The following MRPS28 variants were observed in gnomAD, a reference collection of about 807,000 sequenced individuals.
MRPS28 encodes the protein small ribosomal subunit protein bS1m.
A neutral mutation model predicts 10.8 loss-of-function variants in MRPS28; 7 were observed. The ratio of observed to expected loss-of-function variants is 0.65; its 90% CI spans 0.37 to 1.22. The LOEUF is 1.22. Ranked by LOEUF, MRPS28 falls within the 50% of genes most tolerant of loss-of-function variation. The pLI, the probability that MRPS28 is intolerant of heterozygous loss-of-function variation, is 0.02. For synonymous variants in MRPS28, 121 were observed against 93.3 expected (o/e 1.30, Z -1.71); for missense variants, 265 against 232.9 (o/e 1.14, Z -0.90).
At chr8:79,971,998 C>A (rs1807648227) in intron 2 of MRPS28, among the ~76,000 whole-genome samples, 1 of 152,162 alleles carries the variant, frequency 6.6e-6, no homozygotes, top group Non-Finnish European at 1.5e-5. Context: ...CTGTGCCCAG[C>A]CCCATTACTT....
Position 80,014,362 on chromosome 8 carries a change from GTTTGTTAT to G in MRPS28, c.214-11190_214-11183del, listed in dbSNP as rs1361406250. ...ACAGAGGAGAGCCAAGTTTGGGATG[GTTTGTTAT>G]GCAGCAGTAACTTATACTGTTTCTA... On this transcript the variant is annotated intron_variant, in intron 1 of 2. Transcript: ENST00000276585. Among the ~76,000 whole-genome samples, 1,306 of 152,304 alleles carry G rather than the reference GTTTGTTAT, an allele frequency of 8.6e-3. 26 individuals are homozygous for G. The highest frequency in any genetic ancestry group is 0.03 in the African/African-American group (1,245 of 41,558).
chr8:80,029,884 G>A (rs1809604435), intron 1 of MRPS28, 152 bp downstream of exon 1: 1 of 1,536,398 alleles, frequency 6.5e-7, no homozygotes, highest in Non-Finnish European at 8.7e-7. Flanking sequence ...TCTAGGGGCC[G>A]AGGGCTGAGC....
intron 2 of MRPS28, among the ~76,000 whole-genome samples, chr8:79,973,378 T>C (rs1178812597): frequency 6.6e-6 from 1 of 152,100 alleles, no homozygotes; most frequent in African/African-American, 2.4e-5. Flanking sequence ...TACCACACCA[T>C]ACCCTCAGCC....
intron 2 of MRPS28, chr8:79,958,477 G>T: frequency 5.1e-6 from 3 of 593,348 alleles, no homozygotes; most frequent in African/African-American, 1.9e-5. Flanking sequence ...AGAACTCAAG[G>T]CTATTTTAAA....
At chr8:79,967,634 C>A (rs992807748) in intron 2 of MRPS28, among the ~76,000 whole-genome samples, 1 of 152,140 alleles carries the variant, frequency 6.6e-6, no homozygotes, top group Non-Finnish European at 1.5e-5. Context: ...ATCCTAACAC[C>A]ACCCTATGCC....
chr8:79,954,054 T>G (rs907673651), intron 2 of MRPS28, among the ~76,000 whole-genome samples: 1 of 152,142 alleles, frequency 6.6e-6, no homozygotes, highest in Non-Finnish European at 1.5e-5. Flanking sequence ...TAATTGGAAC[T>G]TGCATTCATT....
At chr8:79,989,713 T>G (rs1441717555) in intron 2 of MRPS28, among the ~76,000 whole-genome samples, 1 of 152,220 alleles carries the variant, frequency 6.6e-6, no homozygotes, top group Non-Finnish European at 1.5e-5. Context: ...TATTTTGTTT[T>G]GTTTTGTTTT....
At chr8:79,993,348 A>G (rs1808416377) in intron 2 of MRPS28, among the ~76,000 whole-genome samples, 1 of 152,190 alleles carries the variant, frequency 6.6e-6, no homozygotes, top group African/African-American at 2.4e-5. Flanking sequence ...AATTTAGACA[A>G]TCTCTGGAAT....
chr8:79,981,787 G>A (rs775418102), intron 2 of MRPS28, among the ~76,000 whole-genome samples: 5 of 152,158 alleles, frequency 3.3e-5, no homozygotes, highest in Non-Finnish European at 7.4e-5. Context: ...CATCAAGGAA[G>A]GATTGGTTTG....
intron 2 of MRPS28, among the ~76,000 whole-genome samples, chr8:79,949,900 CT>C (rs1807037828): frequency 6.6e-6 from 1 of 152,202 alleles, no homozygotes; most frequent in East Asian, 1.9e-4. Context: ...AACAGGACAA[CT>C]AAAAAGGTTT....
At chr8:79,980,042 T>C (rs1239498210) in intron 2 of MRPS28, among the ~76,000 whole-genome samples, 1 of 151,344 alleles carries the variant, frequency 6.6e-6, no homozygotes, top group Admixed American at 6.6e-5. Flanking sequence ...GAGAATCACC[T>C]TCCTCATCTA....
chr8:79,958,278 G>C, intron 2 of MRPS28: 1 of 650,316 alleles, frequency 1.5e-6, no homozygotes, highest in South Asian at 1.7e-5. Flanking sequence ...TTTTGTGAAT[G>C]GCTTCTTTCA....
intron 1 of MRPS28, among the ~76,000 whole-genome samples, chr8:80,020,849 T>G (rs183113506): frequency 3.3e-5 from 5 of 152,298 alleles, no homozygotes; most frequent in Admixed American, 1.3e-4. Context: ...CAAAGAATAG[T>G]GATCTCTATC....
intron 2 of MRPS28, among the ~76,000 whole-genome samples, chr8:79,953,662 T>A (rs1275645668): frequency 6.6e-6 from 1 of 152,192 alleles, no homozygotes; most frequent in Non-Finnish European, 1.5e-5. Context: ...CGTAAAGCCT[T>A]CTTAAACTGA....
In MRPS28 at chr8:79,957,645, G is replaced by A. The variant is rs192985926; in HGVS notation, c.396-38497C>T. On this transcript the variant is annotated intron_variant, in intron 2 of 2. Transcript: ENST00000276585. Reference sequence around the variant, plus strand: ...AGGGCAAGGGGATCACTTGAGCCAAGAAGGTCAAGGATATAGTGAGCCATG... The same window carrying A: ...AGGGCAAGGGGATCACTTGAGCCAAAAAGGTCAAGGATATAGTGAGCCATG... 9.9e-5 allele frequency among the ~76,000 whole-genome samples: 15 copies of A among 151,572 alleles called. No individual in the cohort carries two copies. In the East Asian group the frequency reaches 3.0e-3, roughly 30 times the overall value.
At chr8:79,966,109 T>C (rs1346986838) in intron 2 of MRPS28, among the ~76,000 whole-genome samples, 2 of 151,966 alleles carry the variant, frequency 1.3e-5, no homozygotes, top group African/African-American at 4.8e-5. Flanking sequence ...ATAACAAAAA[T>C]ATTTTCTTTA....
chr8:80,027,637 CAACTG>C (rs1809525905), intron 1 of MRPS28, among the ~76,000 whole-genome samples: 1 of 152,214 alleles, frequency 6.6e-6, no homozygotes, highest in Admixed American at 6.5e-5. Context: ...AACCAGGGAG[CAACTG>C]AAGTCAGTGG....
At chr8:80,018,546 TTAG>T (rs1809267702) in intron 1 of MRPS28, among the ~76,000 whole-genome samples, 1 of 152,024 alleles carries the variant, frequency 6.6e-6, no homozygotes, top group Non-Finnish European at 1.5e-5. Context: ...GGAACATAAA[TTAG>T]TACAACCACT....
intron 1 of MRPS28, among the ~76,000 whole-genome samples, chr8:80,011,735 A>C (rs1473668319): frequency 6.6e-6 from 1 of 152,162 alleles, no homozygotes; most frequent in African/African-American, 2.4e-5. Context: ...CCTGGGCGAC[A>C]GAGTGAGACT....
Sources: allele counts gnomAD v4.1 joint callset (sites outside exome capture counted in the v4.1 genomes callset), GRCh38; gene constraint gnomAD v4.1.1; transcripts MANE v1.5; gene names NCBI Gene and HGNC (gene_info 2026-07-23, HGNC 2026-07-21).